HDAC8: variants seen among roughly 807,000 people sequenced by gnomAD.
HDAC8 encodes histone deacetylase-like 1.
HDAC8 carries 1 observed loss-of-function variant against 32.2 expected under a neutral mutation model. The ratio of observed to expected loss-of-function variants is 0.03; its 90% CI spans 0.01 to 0.15. HDAC8 has a LOEUF of 0.15. Among genes scored for constraint, HDAC8 ranks in the 10% least tolerant of loss-of-function variants. The pLI is 1.00. For missense variants in HDAC8, 117 were observed against 300.0 expected, an observed-to-expected ratio of 0.39 and a Z score of 4.51; for synonymous variants, 108 against 113.9, an observed-to-expected ratio of 0.95 and a Z score of 0.33.
chrX:72,511,358 C>T (rs2049575578), intron 4 of HDAC8, among the ~76,000 whole-genome samples: 1 of 111,658 alleles, frequency 9.0e-6, no homozygotes, highest in African/African-American at 3.3e-5. Flanking sequence ...TAAATGTACT[C>T]TCTTCCTCCA....
At position 72,523,819 on chromosome X, in the gene HDAC8, C is replaced by A. The variant is rs143033252; in HGVS notation, c.438-28551G>T. 1.3e-3 allele frequency among the ~76,000 whole-genome samples: 146 copies of A among 111,978 alleles called. No individual in the cohort carries two copies. The East Asian group carries it at 0.034, about 26-fold the overall frequency. Reference sequence around the variant, plus strand: ...TTGTAAGGTAGGTTCTATCACCAATCTCCATTTTACAGATGAGAAAATGGA... The same window carrying A: ...TTGTAAGGTAGGTTCTATCACCAATATCCATTTTACAGATGAGAAAATGGA... On this transcript the variant is annotated intron_variant, in intron 4 of 10. Coordinates refer to ENST00000373573, the MANE Select transcript of HDAC8 (RefSeq NM_018486.3).
intron 9 of HDAC8, among the ~76,000 whole-genome samples, chrX:72,391,315 C>T (rs1437328346): frequency 8.9e-6 from 1 of 112,266 alleles, no homozygotes; most frequent in Non-Finnish European, 1.9e-5. Context: ...GTAGGGGAGG[C>T]TGGGGTGACA....
At chrX:72,474,468 A>G in intron 7 of HDAC8, 8 of 1,052,259 alleles carry the variant, frequency 7.6e-6, no homozygotes, top group Non-Finnish European at 9.7e-6. Context: ...TGTTTGCTAC[A>G]CTGCAAATCA....
At chrX:72,542,674 T>C (rs980560944) in intron 4 of HDAC8, among the ~76,000 whole-genome samples, 14 of 111,742 alleles carry the variant, frequency 1.3e-4, no homozygotes, top group African/African-American at 3.9e-4. Context: ...GGATGAGTGA[T>C]CATGCGGAGG....
intron 4 of HDAC8, among the ~76,000 whole-genome samples, chrX:72,554,029 A>G (rs782817506): frequency 4.4e-5 from 5 of 112,527 alleles, no homozygotes; most frequent in Admixed American, 9.4e-5. Flanking sequence ...AAAATCAATT[A>G]GAACAGTTAG....
intron 7 of HDAC8, chrX:72,473,657 A>G (rs2048247131): frequency 2.7e-6 from 2 of 753,057 alleles, no homozygotes; most frequent in Non-Finnish European, 3.1e-6. Flanking sequence ...AAACCACTAC[A>G]GTATATCTGC....
rs538930058 is a variant in HDAC8, at chrX:72,461,523, A to G, written c.1005+481T>C. On this transcript the variant is annotated intron_variant, in intron 9 of 10. Coordinates refer to ENST00000373573, the MANE Select transcript of HDAC8 (RefSeq NM_018486.3). ...ACTAATTGCTAGAAAAACATCAGCA[A>G]TGGTCTTTGTAGTGCTTGTGGGTTT... Among the ~76,000 whole-genome samples, 24 of 111,917 alleles carry G rather than the reference A, an allele frequency of 2.1e-4. No homozygotes were observed. The South Asian group carries it at 8.3e-3, about 39-fold the overall frequency.
chrX:72,472,934 T>A (rs1227847247), intron 7 of HDAC8, among the ~76,000 whole-genome samples: 3 of 111,093 alleles, frequency 2.7e-5, no homozygotes, highest in African/African-American at 9.8e-5. Flanking sequence ...TGCAGTACTC[T>A]AATCTAGCCC....
chrX:72,476,892 A>G (rs1242300345), intron 7 of HDAC8, among the ~76,000 whole-genome samples: 3 of 111,514 alleles, frequency 2.7e-5, no homozygotes, highest in Non-Finnish European at 3.8e-5. Context: ...TAGTATTCTA[A>G]TGGTCCCCAA....
chrX:72,371,749 C>T (rs1213046202), intron 9 of HDAC8, among the ~76,000 whole-genome samples: 1 of 112,037 alleles, frequency 8.9e-6, no homozygotes, highest in Non-Finnish European at 1.9e-5. Context: ...TTATTTCATT[C>T]ATTCATTTAT....
At chrX:72,443,840 A>G (rs1448801962) in intron 9 of HDAC8, among the ~76,000 whole-genome samples, 7 of 109,856 alleles carry the variant, frequency 6.4e-5, no homozygotes, top group African/African-American at 2.0e-4. Context: ...GCAATAAAAA[A>G]TGATAAAGGG....
chrX:72,465,806 A>T (rs1382982200), intron 7 of HDAC8, among the ~76,000 whole-genome samples: 1 of 111,694 alleles, frequency 9.0e-6, no homozygotes, highest in Non-Finnish European at 1.9e-5. Context: ...TGCAAAAAGA[A>T]TTCAGGGACA....
At chrX:72,529,116 G>C (rs2050249622) in intron 4 of HDAC8, among the ~76,000 whole-genome samples, 1 of 112,062 alleles carries the variant, frequency 8.9e-6, no homozygotes, top group Non-Finnish European at 1.9e-5. Context: ...AATAAATGTA[G>C]CACAGATAAA....
chrX:72,568,700 T>G (rs1405459038), intron 3 of HDAC8, 54 bp downstream of exon 3: 12 of 1,165,695 alleles, frequency 1.0e-5, no homozygotes, highest in Non-Finnish European at 1.4e-5. Flanking sequence ...ATCATACAAG[T>G]TATAAAAAAA....
chrX:72,554,904 C>T (rs782296948), intron 4 of HDAC8, among the ~76,000 whole-genome samples: 11 of 112,456 alleles, frequency 9.8e-5, no homozygotes, highest in Non-Finnish European at 1.3e-4. Flanking sequence ...TTTGCATCCT[C>T]CCTATAGGAC....
At chrX:72,538,994 G>C (rs2050616238) in intron 4 of HDAC8, among the ~76,000 whole-genome samples, 1 of 111,679 alleles carries the variant, frequency 9.0e-6, no homozygotes, top group African/African-American at 3.3e-5. Context: ...GGAGCCTAAG[G>C]AGACAACTAA....
chrX:72,562,178 A>G (rs1352188801), intron 4 of HDAC8, among the ~76,000 whole-genome samples: 4 of 112,273 alleles, frequency 3.6e-5, no homozygotes, highest in African/African-American at 1.3e-4. Context: ...TCCCACTACT[A>G]GGTATCCACC....
chrX:72,352,664 T>C (rs1354205226), intron 9 of HDAC8, among the ~76,000 whole-genome samples: 3 of 112,154 alleles, frequency 2.7e-5, no homozygotes, highest in Non-Finnish European at 3.8e-5. Flanking sequence ...CTAGTTTCTC[T>C]ACTTTAATTT....
intron 9 of HDAC8, among the ~76,000 whole-genome samples, chrX:72,453,491 A>G (rs782029777): frequency 2.8e-5 from 3 of 107,343 alleles, no homozygotes; most frequent in African/African-American, 6.9e-5. Flanking sequence ...AAAGAAAGAA[A>G]GAAAGAAAGA....
Sources: gnomAD v4.1 joint callset for allele counts (sites outside exome capture counted in the v4.1 genomes callset) on GRCh38, gnomAD v4.1.1 for gene constraint, MANE v1.5 for transcripts, NCBI Gene and HGNC (gene_info 2026-07-23, HGNC 2026-07-21) for gene names.